Variants in HSPG2 observed in about 807,000 individuals in gnomAD.
HSPG2 encodes heparan sulfate proteoglycan 2, also known as basement membrane-specific heparan sulfate proteoglycan core protein.
HSPG2 carries 278 observed loss-of-function variants against 526.6 expected under a neutral mutation model. The ratio of observed to expected loss-of-function variants is 0.53; its 90% CI spans 0.48 to 0.58. The LOEUF (loss-of-function observed/expected upper bound fraction) is 0.58, where lower values mean the gene tolerates loss of function less well. HSPG2 is among the 20% of genes least tolerant of loss of function. HSPG2 has a pLI of 0.00. For missense variants in HSPG2, 5,354 were observed against 6,099.5 expected (o/e 0.88, Z 4.07); for synonymous variants, 2,465 against 2,555.4 (o/e 0.96, Z 1.07).
rs1484603560 is a variant in HSPG2 at position 21,878,603 on chromosome 1, T to C, written c.2532A>G (p.Pro844=). 7 of 1,613,952 alleles carry C rather than the reference T, an allele frequency of 4.3e-6. No individual in the cohort carries two copies. The highest frequency in any genetic ancestry group is 1.3e-5 in the African/African-American group (1 of 74,888). Residue 844 remains proline (P), a synonymous_variant, in exon 19 of 97, where the codon CCA becomes CCG. Transcript: ENST00000374695. ...DGQATCDACA[P]GYTGRRCESC... The stretch of plus-strand genomic sequence containing the variant: ...TCTCACAGCGGCGGCCAGTGTAGCC[T>C]GGGGCACAGGCGTCACATGTGGCTT...
intron 1 of HSPG2, among the ~76,000 whole-genome samples, chr1:21,906,277 G>A (rs1260091613): frequency 6.6e-6 from 1 of 152,156 alleles, no homozygotes; most frequent in Non-Finnish European, 1.5e-5. Context: ...GGGCCTCGGA[G>A]GCGAGCAGGG....
rs1240538754 is a variant in HSPG2 at position 21,854,052 on chromosome 1, CCTT to C, written c.6439+138_6439+140del. The stretch of plus-strand genomic sequence containing the variant: ...AACCTCCCTCCCGTCCACTCAACCT[CCTT>C]CTCTCTCTGAGCAGGCGCTGAAGGG... On this transcript the variant is annotated intron_variant, in intron 50 of 96. Transcript: ENST00000374695. 1.2e-5 allele frequency: 11 copies of C among 929,378 alleles called. No homozygotes were observed. The East Asian group carries it at 2.1e-4, about 18-fold the overall frequency. The allele number at this position is 929,378 out of a possible 1,614,324, so 57.6% of individuals were successfully genotyped here.
chr1:21,852,568 G>T, intron 52 of HSPG2, 132 bp downstream of exon 52: 1 of 1,282,602 alleles, frequency 7.8e-7, no homozygotes, highest in Non-Finnish European at 1.1e-6. Context: ...GGTGGAGTCG[G>T]CCTGGGCAGG....
Position 21,872,523 on chromosome 1 carries a change from G to C in HSPG2, c.4029+97C>G, listed in dbSNP as rs115458021. On this transcript the variant is annotated intron_variant, in intron 32 of 96. Transcript: ENST00000374695. This position sits in a 1 kb window ranked among gnomAD's most constrained non-coding sequence, Gnocchi z 5.5. Reference sequence around the variant, plus strand: ...AATAATGGGGGCATGTGAGGGTACTGAGGCGGGGATGAGGGTCGCTGGGCT... The same window carrying C: ...AATAATGGGGGCATGTGAGGGTACTCAGGCGGGGATGAGGGTCGCTGGGCT... 911 of 1,469,426 alleles carry C rather than the reference G, an allele frequency of 6.2e-4. 2 individuals carry two copies. Among genetic ancestry groups the C allele is most frequent in the Non-Finnish European group, 7.9e-4 (845 of 1,074,378 alleles). 91.0% of individuals were successfully genotyped at this position (1,469,426 alleles called of 1,614,324 possible). A position where few individuals can be genotyped will look rare whatever the true frequency, so the allele number is the denominator to read the frequency against.
rs1642927407 is a variant in HSPG2, at chr1:21,898,857, C to A, written c.64-2547G>T. 6.6e-6 allele frequency among the ~76,000 whole-genome samples: 1 copy of A among 152,246 alleles called. No individual in the cohort carries two copies. Among genetic ancestry groups the A allele is most frequent in the Admixed American group, 6.5e-5 (1 of 15,292 alleles). On this transcript the variant is annotated intron_variant, in intron 1 of 96. Coordinates refer to ENST00000374695, the MANE Select transcript of HSPG2 (RefSeq NM_005529.7). The surrounding 1 kb of genome is among the most constrained non-coding windows in gnomAD (Gnocchi z 4.0). The stretch of plus-strand genomic sequence containing the variant: ...GACTCCCAGCATCTCCTAGACACTG[C>A]CGTCTGGAAAGGAAAACCTAGCGGT...
chr1:21,906,263 G>A (rs762253413), intron 1 of HSPG2, among the ~76,000 whole-genome samples: 2 of 152,240 alleles, frequency 1.3e-5, no homozygotes, highest in Non-Finnish European at 2.9e-5. Flanking sequence ...GGAGGGGTGG[G>A]TGGGGGCCTC....
In HSPG2 at chr1:21,937,194, C is replaced by A. The variant is rs1263914321; in HGVS notation, c.24G>T (p.Ala8=). Residue 8 remains alanine (A), a synonymous_variant, in exon 1 of 97, where the codon GCG becomes GCT. Coordinates refer to ENST00000374695, the MANE Select transcript of HSPG2 (RefSeq NM_005529.7). ...CGTGCAGCAGCAGCGCCAGCAGCAG[C>A]GCGCCCGCCGCCCGCCACCCCATGG... MGWRAAG[A]LLLALLLHGR... is the part of the protein sequence containing the mutation. 1.0e-5 allele frequency: 11 copies of A among 1,086,394 alleles called. No homozygotes were observed. The highest frequency in any genetic ancestry group is 5.1e-5 in the South Asian group (2 of 39,036). The allele number at this position is 1,086,394 out of a possible 1,614,324, so 67.3% of individuals were successfully genotyped here.
chr1:21,870,544 C>T (rs1347149841), intron 33 of HSPG2, among the ~76,000 whole-genome samples: 5 of 152,294 alleles, frequency 3.3e-5, no homozygotes, highest in Non-Finnish European at 5.9e-5. Context: ...CAGGGGAACC[C>T]GGGGGGCTAG....
rs143921375 is a variant in HSPG2 at position 21,842,309 on chromosome 1, G to A, written c.8982C>T (p.Ala2994=). ...CTTCTTGCTCAGGGCCTGGGCCGCTGGCTGCACGACACACATACTCGCCTG... is the reference window on the plus strand; with the variant it reads ...CTTCTTGCTCAGGGCCTGGGCCGCTAGCTGCACGACACACATACTCGCCTG... ...ADSGEYVCRA[A]SGPGPEQEAS... Residue 2994 remains alanine, a synonymous_variant, in exon 68 of 97, where the codon GCC becomes GCT. Transcript: ENST00000374695. 4.3e-6 allele frequency: 7 copies of A among 1,613,146 alleles called. No homozygotes were observed. The highest frequency in any genetic ancestry group is 4.0e-5 in the African/African-American group (3 of 74,940).
chr1:21,838,768 C>A lies in HSPG2; in HGVS notation c.10150+57G>T. 1.9e-6 allele frequency: 3 copies of A among 1,585,748 alleles called. No homozygotes were observed. The South Asian group carries it at 3.4e-5, about 18-fold the overall frequency. On this transcript the variant is annotated intron_variant, in intron 74 of 96. Coordinates refer to ENST00000374695, the MANE Select transcript of HSPG2 (RefSeq NM_005529.7). The stretch of plus-strand genomic sequence containing the variant: ...CCCACCCGAGTCTGCCTAGCTGGGT[C>A]ATCAAAGGGCCAGGAGGAAAGGTGA...
In HSPG2 at chr1:21,854,979, C is replaced by G; in HGVS notation, c.6002G>C (p.Arg2001Pro). The G allele has an allele frequency of 2.5e-6, 4 of 1,612,530 alleles. No individual in the cohort carries two copies. Among genetic ancestry groups the G allele is most frequent in the Non-Finnish European group, 2.5e-6 (3 of 1,179,986 alleles). ...TGTCGCGATGTCTGTGCGCTCTGACCGGGCCTGCCGTGGGTGAGATGGGTC... is the reference window on the plus strand; with the variant it reads ...TGTCGCGATGTCTGTGCGCTCTGACGGGGCCTGCCGTGGGTGAGATGGGTC... ...KEGGSLPPQA[R>P]SERTDIATLL... The change falls in exon 48 of 97, where the codon CGG (arginine) becomes CCG (proline). Residue 2001 changes from arginine (R) to proline (P), a missense_variant. Physicochemically the swap from Arg to Pro is moderately radical, Grantham distance 103. Transcript: ENST00000374695.
chr1:21,837,599 A>AT (rs1417109043), intron 74 of HSPG2, among the ~76,000 whole-genome samples: 3 of 152,036 alleles, frequency 2.0e-5, no homozygotes, highest in Non-Finnish European at 4.4e-5. Context: ...ATACTCAGAC[A>AT]TTTTAAGGAA....
chr1:21,839,632 C>T lies in HSPG2; in HGVS notation c.9710-82G>A. ...AGGGTGGCCATGGTGAGGAAGGGCC[C>T]TGGGTGATCCTGTCCCTCTATGGGG... On this transcript the variant is annotated intron_variant, in intron 72 of 96. Coordinates refer to ENST00000374695, the MANE Select transcript of HSPG2 (RefSeq NM_005529.7). The surrounding 1 kb of genome is among the most constrained non-coding windows in gnomAD (Gnocchi z 4.5). 6.6e-7 allele frequency: 1 copy of T among 1,506,776 alleles called. No homozygotes were observed. Among genetic ancestry groups the T allele is most frequent in the Non-Finnish European group, 9.1e-7 (1 of 1,099,336 alleles). The allele number at this position is 1,506,776 out of a possible 1,614,324, so 93.3% of individuals were successfully genotyped here. A position where few individuals can be genotyped will look rare whatever the true frequency, so the allele number is the denominator to read the frequency against.
intron 47 of HSPG2, 151 bp from the exon 48 acceptor site, chr1:21,855,134 A>G: frequency 2.2e-6 from 3 of 1,353,366 alleles, no homozygotes; most frequent in Non-Finnish European, 2.0e-6. Flanking sequence ...GGCAGCCAAG[A>G]GGACGGCAGG....
Position 21,872,822 on chromosome 1 carries a change from G to A in HSPG2, c.3889-62C>T. 1 of 1,584,096 alleles carries A rather than the reference G, an allele frequency of 6.3e-7. No individual in the cohort carries two copies. The highest frequency in any genetic ancestry group is 8.6e-7 in the Non-Finnish European group (1 of 1,164,324). On this transcript the variant is annotated intron_variant, in intron 31 of 96. Coordinates refer to ENST00000374695, the MANE Select transcript of HSPG2 (RefSeq NM_005529.7). The surrounding 1 kb of genome is among the most constrained non-coding windows in gnomAD (Gnocchi z 5.5). Reference sequence around the variant, plus strand: ...CAGTGGGTCTCCTGCACCCCCAGCAGCCTGAGGCCAGCCTCCCTGGCCACT... The same window carrying A: ...CAGTGGGTCTCCTGCACCCCCAGCAACCTGAGGCCAGCCTCCCTGGCCACT...
At chr1:21,931,412 T>C (rs1048449416) in intron 1 of HSPG2, among the ~76,000 whole-genome samples, 4 of 152,140 alleles carry the variant, frequency 2.6e-5, no homozygotes, top group African/African-American at 9.7e-5. Flanking sequence ...GGAAGCAACA[T>C]TCCAGCAGGG....
At position 21,858,037 on chromosome 1, in the gene HSPG2, C is replaced by T. The variant is rs1018119912; in HGVS notation, c.5294-652G>A. Reference sequence around the variant, plus strand: ...AGTGCATTCTAGGATTTCCCATTTCCGAAAACTCCCCCTTGACCTCATGCT... The same window carrying T: ...AGTGCATTCTAGGATTTCCCATTTCTGAAAACTCCCCCTTGACCTCATGCT... On this transcript the variant is annotated intron_variant, in intron 42 of 96. Transcript: ENST00000374695. This position sits in a 1 kb window ranked among gnomAD's most constrained non-coding sequence, Gnocchi z 4.2. Among the ~76,000 whole-genome samples the T allele has an allele frequency of 1.3e-5, 2 of 152,178 alleles. No individual in the cohort carries two copies. Among genetic ancestry groups the T allele is most frequent in the Non-Finnish European group, 2.9e-5 (2 of 68,034 alleles).
intron 1 of HSPG2, among the ~76,000 whole-genome samples, chr1:21,931,322 G>A (rs1001185063): frequency 1.3e-5 from 2 of 152,278 alleles, no homozygotes; most frequent in Non-Finnish European, 2.9e-5. Context: ...CTGGGTTTCA[G>A]TCAGCCAGCT....
At chr1:21,927,692 G>T (rs1644241900) in intron 1 of HSPG2, among the ~76,000 whole-genome samples, 1 of 152,202 alleles carries the variant, frequency 6.6e-6, no homozygotes, top group Admixed American at 6.5e-5. Context: ...GCCACACCCT[G>T]GGGTGTGCCC....
Sources: gnomAD v4.1 joint callset for allele counts (sites outside exome capture counted in the v4.1 genomes callset) on GRCh38, gnomAD v4.1.1 for gene constraint, Gnocchi (gnomAD v3.1) non-coding constraint, MANE v1.5 for transcripts, NCBI Gene and HGNC (gene_info 2026-07-23, HGNC 2026-07-21) for gene names.